Variants in CRHR2 observed in about 807,000 individuals in gnomAD.
CRHR2 encodes corticotropin releasing hormone receptor 2.
CRHR2 carries 53 observed loss-of-function variants against 57.9 expected under a neutral mutation model. The observed-to-expected ratio is 0.92, with a 90% confidence interval of 0.73 to 1.15. The LOEUF (loss-of-function observed/expected upper bound fraction) is 1.15, where lower values mean the gene tolerates loss of function less well. CRHR2 is among the 50% of genes most tolerant of loss of function. The pLI, the probability that CRHR2 is intolerant of heterozygous loss-of-function variation, is 0.00. For synonymous variants in CRHR2, 213 were observed against 220.9 expected (o/e 0.96, Z 0.32); for missense variants, 532 against 542.6 (o/e 0.98, Z 0.19).
intron 2 of CRHR2, among the ~76,000 whole-genome samples, chr7:30,667,700 AAT>A (rs1347046055): frequency 6.6e-6 from 1 of 152,234 alleles, no homozygotes; most frequent in African/African-American, 2.4e-5. Flanking sequence ...ATACTTCACC[AAT>A]ATCAGCACTT....
At chr7:30,688,281 C>T (rs1166199316) in intron 2 of CRHR2, among the ~76,000 whole-genome samples, 1 of 152,172 alleles carries the variant, frequency 6.6e-6, no homozygotes, top group Non-Finnish European at 1.5e-5. Flanking sequence ...TTGATCTTGG[C>T]CTACCAGCCT....
Position 30,688,487 on chromosome 7 carries a change from G to C in CRHR2, c.-167+704C>G, listed in dbSNP as rs569756290. On this transcript the variant is annotated intron_variant, in intron 2 of 13. Transcript: ENST00000341843. ...GAGCTATTGACTGCCCCAGTGGAAG[G>C]AGAACAGGCAGCAAGACTTTCTCTT... Among the ~76,000 whole-genome samples, 148 of 152,362 alleles carry C rather than the reference G, an allele frequency of 9.7e-4. 2 individuals carry two copies. In the South Asian group the frequency reaches 0.03, roughly 31 times the overall value.
At chr7:30,694,033 C>T (rs1453128910) in intron 1 of CRHR2, among the ~76,000 whole-genome samples, 1 of 152,220 alleles carries the variant, frequency 6.6e-6, no homozygotes, top group African/African-American at 2.4e-5. Flanking sequence ...TGTGGGAGCA[C>T]AGGGTCCACA....
chr7:30,689,561 T>C (rs897643725), intron 1 of CRHR2, among the ~76,000 whole-genome samples: 1 of 143,910 alleles, frequency 6.9e-6, no homozygotes, highest in African/African-American at 2.6e-5. Flanking sequence ...CTCCTCAGGC[T>C]GGGATGTGTC....
intron 2 of CRHR2, among the ~76,000 whole-genome samples, chr7:30,687,671 T>G (rs1784882680): frequency 6.6e-6 from 1 of 152,152 alleles, no homozygotes; most frequent in African/African-American, 2.4e-5. Context: ...CAAGGCTGTA[T>G]GTTTGGAGAA....
upstream of CRHR2, among the ~76,000 whole-genome samples, chr7:30,684,690 G>T (rs1416776975): frequency 6.6e-6 from 1 of 152,204 alleles, no homozygotes; most frequent in Non-Finnish European, 1.5e-5. Flanking sequence ...AGGTCCCCTG[G>T]ATGTGGGGCC....
chr7:30,682,143 C>T, intron 1 of CRHR2, 35 bp downstream of exon 1: 1 of 1,535,600 alleles, frequency 6.5e-7, no homozygotes, highest in African/African-American at 1.4e-5. Flanking sequence ...AGAGAAGGAG[C>T]CCGCGCAGCC....
chr7:30,681,176 C>T (rs1784693574), intron 2 of CRHR2, among the ~76,000 whole-genome samples: 1 of 152,226 alleles, frequency 6.6e-6, no homozygotes, highest in South Asian at 2.1e-4. Context: ...TGCCCTTTTC[C>T]CCAGAGCCTC....
rs1159554804 is a variant in CRHR2 at position 30,652,884 on chromosome 7, C to T, written c.*576G>A. On this transcript the variant is annotated 3_prime_UTR_variant, in exon 12 of 12. Coordinates refer to ENST00000471646, the MANE Select transcript of CRHR2 (RefSeq NM_001883.5). The surrounding 1 kb of genome is among the most constrained non-coding windows in gnomAD (Gnocchi z 4.4). ...CTGGAAGCCTGCATCCTTCATGGAG[C>T]CCCCAAGGCGGGAGGATGGCTGGGG... 3 of 152,568 alleles carry T rather than the reference C, an allele frequency of 2.0e-5. No individual in the cohort carries two copies. The highest frequency in any genetic ancestry group is 2.9e-5 in the Non-Finnish European group (2 of 68,268). The allele number at this position is 152,568 out of a possible 1,614,324, so 9.5% of individuals were successfully genotyped here.
chr7:30,681,913 A>G lies in CRHR2; in HGVS notation c.229+2T>C, dbSNP rs1784721622. The G allele has an allele frequency of 6.2e-7, 1 of 1,607,812 alleles. No homozygotes were observed. Among genetic ancestry groups the G allele is most frequent in the African/African-American group, 1.3e-5 (1 of 74,286 alleles). On this transcript the variant is annotated splice_donor_variant, in intron 2 of 11. Coordinates refer to ENST00000471646, the MANE Select transcript of CRHR2 (RefSeq NM_001883.5). LOFTEE classifies it high-confidence loss of function. ...CAGGCAGCGAGGGCCGGGGGCACTC[A>G]CGGGTCGTGTTGTACTTGACGCCGT...
intron 2 of CRHR2, 86 bp downstream of exon 2, chr7:30,681,829 C>G: frequency 6.7e-7 from 1 of 1,491,466 alleles, no homozygotes; most frequent in Non-Finnish European, 8.9e-7. Context: ...AGCTTTGTAC[C>G]GCTGGGTCCG....
chr7:30,665,609 C>G lies in CRHR2; in HGVS notation c.346G>C (p.Ala116Pro). 6.4e-7 allele frequency: 1 copy of G among 1,561,048 alleles called. No individual in the cohort carries two copies. Residue 116 changes from alanine to proline, a missense_variant, in exon 4 of 12, where the codon GCC becomes CCC. Transcript: ENST00000471646. This position sits in a 1 kb window ranked among gnomAD's most constrained non-coding sequence, Gnocchi z 4.5. The stretch of plus-strand genomic sequence containing the variant: ...TGGCCCAGGTAGTTGACGACAAGGG[C>G]GATGCGGTAGTGCAGGTCATACTTC... Reference protein sequence around the residue: ...QRKYDLHYRIALVVNYLGHCV... With the variant: ...QRKYDLHYRIPLVVNYLGHCV...
Position 30,665,836 on chromosome 7 carries a change from C to G in CRHR2, c.316-197G>C, listed in dbSNP as rs1394099846. ...GTTGTTATAAATGGCTGTGGTCAGG[C>G]CTTCCAACATGCATTTATTTTTATT... On this transcript the variant is annotated intron_variant, in intron 3 of 11. Transcript: ENST00000471646. The surrounding 1 kb of genome is among the most constrained non-coding windows in gnomAD (Gnocchi z 4.5). Among the ~76,000 whole-genome samples, 3 of 152,098 alleles carry G rather than the reference C, an allele frequency of 2.0e-5. No individual in the cohort carries two copies. Among genetic ancestry groups the G allele is most frequent in the African/African-American group, 7.2e-5 (3 of 41,414 alleles).
intron 1 of CRHR2, among the ~76,000 whole-genome samples, chr7:30,691,657 G>A (rs1784962639): frequency 6.6e-6 from 1 of 152,194 alleles, no homozygotes; most frequent in Admixed American, 6.5e-5. Flanking sequence ...ATTTGGTACA[G>A]GCATATCAGA....
chr7:30,655,568 C>A lies in CRHR2; in HGVS notation c.1053+12G>T. On this transcript the variant is annotated intron_variant, in intron 10 of 11. Coordinates refer to ENST00000471646, the MANE Select transcript of CRHR2 (RefSeq NM_001883.5). ...GCTCACTGTGGGGCCCCCATCTGGT[C>A]ACAGGCCCCACCTGGAACGACTGCA... 1 of 1,607,138 alleles carries A rather than the reference C, an allele frequency of 6.2e-7. No individual in the cohort carries two copies. Among genetic ancestry groups the A allele is most frequent in the South Asian group, 1.1e-5 (1 of 89,622 alleles).
At chr7:30,661,173 T>G (rs907297985) in intron 7 of CRHR2, among the ~76,000 whole-genome samples, 6 of 152,246 alleles carry the variant, frequency 3.9e-5, no homozygotes, top group African/African-American at 1.4e-4. Context: ...GCTGCCTGGC[T>G]GGCCTCACTG....
chr7:30,698,570 C>T (rs1160146777), intron 1 of CRHR2, among the ~76,000 whole-genome samples: 2 of 152,148 alleles, frequency 1.3e-5, no homozygotes, highest in Non-Finnish European at 2.9e-5. Context: ...TCACCCATCC[C>T]AATTGCAGTC....
chr7:30,653,424 A>AG lies in CRHR2; in HGVS notation c.*35dup, dbSNP rs781666287. The AG allele has an allele frequency of 6.2e-7, 1 of 1,604,834 alleles. No homozygotes were observed. The highest frequency in any genetic ancestry group is 1.3e-5 in the African/African-American group (1 of 74,890). On this transcript the variant is annotated 3_prime_UTR_variant, in exon 12 of 12. Coordinates refer to ENST00000471646, the MANE Select transcript of CRHR2 (RefSeq NM_001883.5). This position sits in a 1 kb window ranked among gnomAD's most constrained non-coding sequence, Gnocchi z 5.0. ...AGAACCCAGAGGAAGAAGGTGGAGG[A>AG]GGACAGGGGAGCTGTGCAGGTGGGC...
upstream of CRHR2, chr7:30,686,743 A>G (rs1268754654): frequency 1.1e-5 from 4 of 355,940 alleles, no homozygotes; most frequent in Non-Finnish European, 2.1e-5. Flanking sequence ...TGCCTCTGTG[A>G]TGAATAAAAT....
Sources: gnomAD v4.1 joint callset for allele counts (sites outside exome capture counted in the v4.1 genomes callset) on GRCh38, gnomAD v4.1.1 for gene constraint, Gnocchi (gnomAD v3.1) non-coding constraint, MANE v1.5 for transcripts, NCBI Gene and HGNC (gene_info 2026-07-23, HGNC 2026-07-21) for gene names.